Variants in ARFGEF1 observed in about 807,000 individuals in gnomAD.
The protein encoded by ARFGEF1 is ARF guanine nucleotide exchange factor 1, also known as brefeldin A-inhibited guanine nucleotide-exchange protein 1.
Under a neutral mutation model 231.0 loss-of-function variants are expected in ARFGEF1, and 42 were observed. The observed-to-expected ratio is 0.18, with a 90% CI of 0.14 to 0.24. The LOEUF (loss-of-function observed/expected upper bound fraction) is 0.24. Ranked by LOEUF, ARFGEF1 falls within the 10% of genes least tolerant of loss-of-function variation. ARFGEF1 has a pLI of 1.00. For missense variants in ARFGEF1, 1,345 were observed against 2,192.0 expected (o/e 0.61, Z 7.72); for synonymous variants, 710 against 732.3 (o/e 0.97, Z 0.49).
chr8:67,190,448 G>A (rs548091382), intron 5 of ARFGEF1, among the ~76,000 whole-genome samples: 26 of 152,248 alleles, frequency 1.7e-4, no homozygotes, highest in Middle Eastern at 6.8e-3. Flanking sequence ...TGTTTAAGGT[G>A]ATGAAAATGT....
chr8:67,320,126 G>C (rs955788193), intron 1 of ARFGEF1, among the ~76,000 whole-genome samples: 1 of 151,032 alleles, frequency 6.6e-6, no homozygotes, highest in Non-Finnish European at 1.5e-5. Flanking sequence ...GGGAGGCTGA[G>C]GCAAGAGAAT....
intron 6 of ARFGEF1, among the ~76,000 whole-genome samples, chr8:67,288,268 C>CAAT (rs34543972): frequency 0.34 from 50,884 of 151,842 alleles, 8,847 homozygotes; most frequent in African/African-American, 0.43. Context: ...AAGTCAATTT[C>CAAT]AATGATTCCT....
rs534361954 is a variant in ARFGEF1 at position 67,321,394 on chromosome 8, A to C, written c.125-18928T>G. On this transcript the variant is annotated intron_variant, in intron 1 of 38. Coordinates refer to ENST00000262215, the MANE Select transcript of ARFGEF1 (RefSeq NM_006421.5). Reference sequence around the variant, plus strand: ...TGTGACGTAGTTGGTTGTATTTTTAAGAAGCTCCACGGGTGATCTTGGTGT... The same window carrying C: ...TGTGACGTAGTTGGTTGTATTTTTACGAAGCTCCACGGGTGATCTTGGTGT... 6.2e-4 allele frequency among the ~76,000 whole-genome samples: 95 copies of C among 152,366 alleles called. 1 individual carries two copies. The highest frequency in any genetic ancestry group is 1.0e-3 in the Non-Finnish European group (71 of 68,038).
chr8:67,342,386 G>A (rs1808680441), intron 1 of ARFGEF1, among the ~76,000 whole-genome samples: 2 of 152,120 alleles, frequency 1.3e-5, no homozygotes, highest in Non-Finnish European at 2.9e-5. Context: ...ATTCAAGCTT[G>A]AGAGCAGCTG....
rs529197025 is a variant in ARFGEF1 at position 67,284,465 on chromosome 8, T to A, written c.1027+3490A>T. The stretch of plus-strand genomic sequence containing the variant: ...GAATCATGTAAATATTCTTCATATT[T>A]AAAAAAACGAACCAATAAAATAATA... On this transcript the variant is annotated intron_variant, in intron 7 of 38. Transcript: ENST00000262215. Among the ~76,000 whole-genome samples, 28 of 152,176 alleles carry A rather than the reference T, an allele frequency of 1.8e-4. No individual in the cohort carries two copies. In the East Asian group the frequency reaches 5.4e-3, roughly 29 times the overall value.
At chr8:67,194,751 A>G (rs1345122641), downstream of ARFGEF1, among the ~76,000 whole-genome samples, 1 of 152,072 alleles carries the variant, frequency 6.6e-6, no homozygotes, top group Non-Finnish European at 1.5e-5. Context: ...TATTATACCT[A>G]ATAATAAATA....
chr8:67,308,289 T>A (rs1031748544), intron 1 of ARFGEF1, among the ~76,000 whole-genome samples: 1 of 152,214 alleles, frequency 6.6e-6, no homozygotes, highest in Non-Finnish European at 1.5e-5. Context: ...GGTGGTTTAT[T>A]ATACAGCGAT....
intron 34 of ARFGEF1, among the ~76,000 whole-genome samples, chr8:67,205,075 T>C (rs1020004024): frequency 5.3e-5 from 8 of 152,360 alleles, no homozygotes; most frequent in African/African-American, 1.4e-4. Flanking sequence ...ACAGCCTGTA[T>C]GTGGCCCAGG....
intron 13 of ARFGEF1, 58 bp downstream of exon 13, chr8:67,266,815 ATCC>A: frequency 7.4e-7 from 1 of 1,347,482 alleles, no homozygotes; most frequent in Non-Finnish European, 1.0e-6. Flanking sequence ...AGCTGCAACT[ATCC>A]TCCAAAGTAT....
intron 22 of ARFGEF1, among the ~76,000 whole-genome samples, chr8:67,234,259 C>A (rs1237978920): frequency 6.6e-6 from 1 of 152,056 alleles, no homozygotes; most frequent in Non-Finnish European, 1.5e-5. Flanking sequence ...ATAATTTACA[C>A]CAGGAGAGAC....
chr8:67,230,792 T>C (rs780527234), intron 23 of ARFGEF1, among the ~76,000 whole-genome samples: 12 of 152,024 alleles, frequency 7.9e-5, no homozygotes, highest in Non-Finnish European at 1.6e-4. Context: ...TAACAACACA[T>C]AAAAAATTCT....
chr8:67,223,616 C>T (rs184414698), intron 29 of ARFGEF1, among the ~76,000 whole-genome samples: 125 of 152,244 alleles, frequency 8.2e-4, no homozygotes, highest in Middle Eastern at 6.8e-3. Flanking sequence ...ACACACACAA[C>T]CTCTTTAACA....
chr8:67,233,105 A>G (rs1400812276), intron 22 of ARFGEF1, among the ~76,000 whole-genome samples, 160 bp from the exon 23 acceptor site: 1 of 152,030 alleles, frequency 6.6e-6, no homozygotes, highest in African/African-American at 2.4e-5. Context: ...AACAAGGCCA[A>G]ATGTGCAAAT....
intron 1 of ARFGEF1, among the ~76,000 whole-genome samples, chr8:67,315,763 T>TA (rs1487312502): frequency 6.6e-6 from 1 of 152,034 alleles, no homozygotes; most frequent in Non-Finnish European, 1.5e-5. Flanking sequence ...GGGAAATTTT[T>TA]AAAAAATACA....
intron 19 of ARFGEF1, among the ~76,000 whole-genome samples, chr8:67,245,549 A>T (rs534115682): frequency 4.0e-5 from 6 of 150,562 alleles, no homozygotes; most frequent in Admixed American, 3.3e-4. Context: ...ATGGGTTATA[A>T]GATAGTACTT....
At chr8:67,283,147 T>TA (rs1805608071) in intron 7 of ARFGEF1, among the ~76,000 whole-genome samples, 1 of 152,226 alleles carries the variant, frequency 6.6e-6, no homozygotes, top group African/African-American at 2.4e-5. Flanking sequence ...AAATGCAAAT[T>TA]AAAACAATAC....
At chr8:67,331,552 C>T (rs910106976) in intron 1 of ARFGEF1, among the ~76,000 whole-genome samples, 1 of 152,152 alleles carries the variant, frequency 6.6e-6, no homozygotes, top group Non-Finnish European at 1.5e-5. Flanking sequence ...AAATAAATTT[C>T]TGTTGTCCAT....
intron 7 of ARFGEF1, among the ~76,000 whole-genome samples, chr8:67,278,993 GT>G (rs1805425508): frequency 6.6e-6 from 1 of 152,146 alleles, no homozygotes; most frequent in Non-Finnish European, 1.5e-5. Flanking sequence ...GCCAGGCACG[GT>G]GGCTCATGCC....
intron 5 of ARFGEF1, among the ~76,000 whole-genome samples, chr8:67,294,663 T>C (rs1032347233): frequency 6.6e-6 from 1 of 152,204 alleles, no homozygotes; most frequent in Non-Finnish European, 1.5e-5. Context: ...CCCTGTATTG[T>C]TGCACTGGAA....
Sources: allele counts gnomAD v4.1 joint callset (sites outside exome capture counted in the v4.1 genomes callset), GRCh38; gene constraint gnomAD v4.1.1; transcripts MANE v1.5; gene names NCBI Gene and HGNC (gene_info 2026-07-23, HGNC 2026-07-21).